The following GALNT13 variants were observed in gnomAD, a reference collection of about 807,000 sequenced individuals.
GALNT13 encodes UDP-GalNAc:polypeptide N-acetylgalactosaminyltransferase 13.
Under a neutral mutation model 64.2 loss-of-function variants are expected in GALNT13, and 28 were observed. The ratio of observed to expected loss-of-function variants is 0.44; its 90% CI spans 0.32 to 0.60. The LOEUF is 0.60. GALNT13 is among the 20% of genes least tolerant of loss of function. The pLI is 0.05. For missense variants in GALNT13, 577 were observed against 669.8 expected (o/e 0.86, Z 1.53); for synonymous variants, 214 against 224.6 (o/e 0.95, Z 0.42).
chr2:153,339,993 AT>A, the GALNT13 span, among the ~76,000 whole-genome samples: 1 of 151,968 alleles, frequency 6.6e-6, no homozygotes, highest in African/African-American at 2.4e-5. Flanking sequence ...CACTGTCTTT[AT>A]TATTGTAGCT....
chr2:154,067,753 C>T (rs143950582), intron 3 of GALNT13, among the ~76,000 whole-genome samples: 1 of 152,100 alleles, frequency 6.6e-6, no homozygotes, highest in African/African-American at 2.4e-5. Flanking sequence ...AGACTTGAAA[C>T]TATGAAATTA....
rs115407955 is a variant in GALNT13 at position 153,922,120 on chromosome 2, T to C, written c.-105+21113T>C. Among the ~76,000 whole-genome samples the C allele has an allele frequency of 2.4e-3, 362 of 152,222 alleles. 4 individuals are homozygous for C. Among genetic ancestry groups the C allele is most frequent in the African/African-American group, 7.9e-3 (328 of 41,562 alleles). On this transcript the variant is annotated intron_variant, in intron 2 of 12. Coordinates refer to ENST00000392825, the MANE Select transcript of GALNT13 (RefSeq NM_052917.4). ...ATGTGAAGCAAAAAGGAAAATAAAATGTTGATTGCTATTCTGCTGGAGTAG... is the reference window on the plus strand; with the variant it reads ...ATGTGAAGCAAAAAGGAAAATAAAACGTTGATTGCTATTCTGCTGGAGTAG...
chr2:153,898,272 TA>T (rs1688011475), intron 1 of GALNT13, among the ~76,000 whole-genome samples: 1 of 152,186 alleles, frequency 6.6e-6, no homozygotes, highest in Admixed American at 6.5e-5. Flanking sequence ...TAGGTGTATA[TA>T]TTTTTTAGGA....
chr2:154,241,640 G>A (rs2105869170), intron 4 of GALNT13, among the ~76,000 whole-genome samples: 1 of 152,230 alleles, frequency 6.6e-6, no homozygotes, highest in South Asian at 2.1e-4. Flanking sequence ...ACCCTTGTCT[G>A]TTTATGTTCC....
At chr2:153,606,918 A>G in the GALNT13 span, among the ~76,000 whole-genome samples, 6 of 143,606 alleles carry the variant, frequency 4.2e-5, no homozygotes, top group Non-Finnish European at 9.0e-5. Flanking sequence ...CTCTATCTCC[A>G]TACTCCCTAT....
chr2:153,478,217 C>T, the GALNT13 span: 17 of 1,592,928 alleles, frequency 1.1e-5, no homozygotes, highest in Admixed American at 1.9e-4. Flanking sequence ...GAGCGGTTGC[C>T]GCGGGGGCAG....
intron 8 of GALNT13, among the ~76,000 whole-genome samples, chr2:154,300,537 A>G (rs1693382747): frequency 6.6e-6 from 1 of 152,112 alleles, no homozygotes; most frequent in Non-Finnish European, 1.5e-5. Context: ...TATGACTTCT[A>G]TTTATTGTGA....
chr2:154,234,886 A>G (rs964733569), intron 4 of GALNT13, among the ~76,000 whole-genome samples: 3 of 152,066 alleles, frequency 2.0e-5, no homozygotes, highest in African/African-American at 4.8e-5. Flanking sequence ...CCCCTAGTCT[A>G]TTGGATTTGA....
chr2:153,997,647 A>T (rs1486880413), intron 3 of GALNT13, among the ~76,000 whole-genome samples: 1 of 152,000 alleles, frequency 6.6e-6, no homozygotes, highest in Non-Finnish European at 1.5e-5. Context: ...CCTTTTTAAA[A>T]TTTTTTTAAA....
At chr2:154,176,690 G>T (rs1034415779) in intron 4 of GALNT13, among the ~76,000 whole-genome samples, 1 of 152,102 alleles carries the variant, frequency 6.6e-6, no homozygotes, top group Non-Finnish European at 1.5e-5. Context: ...CCAGGAAGAG[G>T]AAAACCATGA....
At chr2:154,215,039 G>T (rs898464673) in intron 4 of GALNT13, among the ~76,000 whole-genome samples, 3 of 152,180 alleles carry the variant, frequency 2.0e-5, no homozygotes, top group South Asian at 2.1e-4. Context: ...TAAGCCAAAA[G>T]TTTCTGGTGG....
intron 4 of GALNT13, among the ~76,000 whole-genome samples, chr2:154,233,037 C>CAAAAAAAAAAAAAAAAAAAAAAAAAAAA (rs375484057): frequency 1.7e-5 from 1 of 59,070 alleles, no homozygotes; most frequent in Non-Finnish European, 3.6e-5. Context: ...GACCCTGTCT[C>CAAAAAAAAAAAAAAAAAAAAAAAAAAAA]AAAAAAAAAA....
intron 10 of GALNT13, among the ~76,000 whole-genome samples, chr2:154,400,337 T>G (rs190280833): frequency 3.9e-5 from 6 of 152,342 alleles, no homozygotes; most frequent in Non-Finnish European, 8.8e-5. Flanking sequence ...TATATTCATT[T>G]GTACTTCTCA....
intron 4 of GALNT13, among the ~76,000 whole-genome samples, chr2:154,224,000 T>C (rs1688457750): frequency 6.6e-6 from 1 of 152,108 alleles, no homozygotes; most frequent in Non-Finnish European, 1.5e-5. Flanking sequence ...AAGGTCATTC[T>C]TCAGAATTTT....
chr2:154,388,221 G>T (rs921148380), intron 9 of GALNT13, among the ~76,000 whole-genome samples: 1 of 152,232 alleles, frequency 6.6e-6, no homozygotes, highest in Non-Finnish European at 1.5e-5. Flanking sequence ...GTCTTCTTTT[G>T]AGAAATGTTT....
At chr2:153,542,584 C>T in the GALNT13 span, among the ~76,000 whole-genome samples, 2 of 152,080 alleles carry the variant, frequency 1.3e-5, no homozygotes, top group Non-Finnish European at 2.9e-5. Flanking sequence ...TTGCTGAAGA[C>T]AGGCCAGGGT....
chr2:154,228,822 T>C (rs1688765262), intron 4 of GALNT13, among the ~76,000 whole-genome samples: 1 of 152,034 alleles, frequency 6.6e-6, no homozygotes, highest in Admixed American at 6.6e-5. Flanking sequence ...CTTTGATGCT[T>C]TTTTTTGAGA....
At chr2:153,927,266 A>G (rs896320237) in intron 2 of GALNT13, among the ~76,000 whole-genome samples, 2 of 152,064 alleles carry the variant, frequency 1.3e-5, no homozygotes, top group Admixed American at 1.3e-4. Context: ...TTTGTTACAA[A>G]TAGTATTTAA....
chr2:154,252,301 C>T (rs185845795), intron 7 of GALNT13, among the ~76,000 whole-genome samples: 328 of 151,638 alleles, frequency 2.2e-3, no homozygotes, highest in Non-Finnish European at 3.3e-3. Context: ...GGTACATAAA[C>T]ATGGAGCTTG....
Sources: gnomAD v4.1 joint callset for allele counts (sites outside exome capture counted in the v4.1 genomes callset) on GRCh38, gnomAD v4.1.1 for gene constraint, MANE v1.5 for transcripts, NCBI Gene and HGNC (gene_info 2026-07-23, HGNC 2026-07-21) for gene names.